The following ANXA2 variants were observed in gnomAD, a reference collection of about 807,000 sequenced individuals.
The protein encoded by ANXA2 is annexin A2, also known as annexin II.
ANXA2 carries 28 observed loss-of-function variants against 47.3 expected under a neutral mutation model. The ratio of observed to expected loss-of-function variants is 0.59; its 90% CI spans 0.44 to 0.81. ANXA2 has a LOEUF of 0.81. Ranked by LOEUF, ANXA2 falls within the 40% of genes least tolerant of loss-of-function variation. The pLI is 0.00. For synonymous variants in ANXA2, 172 were observed against 155.5 expected, an observed-to-expected ratio of 1.11 and a Z score of -0.79; for missense variants, 384 against 414.3, an observed-to-expected ratio of 0.93 and a Z score of 0.64.
At chr15:60,386,179 C>G (rs2062931127) in intron 1 of ANXA2, 93 bp from the exon 2 acceptor site, 1 of 863,932 alleles carries the variant, frequency 1.2e-6, no homozygotes, top group Non-Finnish European at 1.9e-6. Context: ...ACTCCTTGGA[C>G]CATTTCATCT....
At chr15:60,392,681 G>T (rs7168803) in intron 1 of ANXA2, among the ~76,000 whole-genome samples, 2,056 of 152,362 alleles carry the variant, frequency 0.013, 49 homozygotes, top group African/African-American at 0.046. Context: ...AACAGGGCTG[G>T]TCTGCACAGG....
chr15:60,364,674 C>T (rs368243879), intron 3 of ANXA2, 151 bp from the exon 4 acceptor site: 13 of 585,250 alleles, frequency 2.2e-5, no homozygotes, highest in Non-Finnish European at 3.0e-5. Context: ...CTATCTCTTT[C>T]GTCAGCATCC....
At chr15:60,369,963 G>C (rs539890986) in intron 3 of ANXA2, among the ~76,000 whole-genome samples, 1 of 152,228 alleles carries the variant, frequency 6.6e-6, no homozygotes, top group Non-Finnish European at 1.5e-5. Flanking sequence ...CTTAGCCAAC[G>C]ACACAGCTTT....
At chr15:60,370,387 G>A (rs933767277) in intron 3 of ANXA2, among the ~76,000 whole-genome samples, 1 of 152,222 alleles carries the variant, frequency 6.6e-6, no homozygotes, top group Non-Finnish European at 1.5e-5. Flanking sequence ...CATGGAGCCA[G>A]GATCAACTGC....
intron 1 of ANXA2, among the ~76,000 whole-genome samples, chr15:60,392,329 T>G (rs573458802): frequency 6.6e-6 from 1 of 152,090 alleles, no homozygotes; most frequent in African/African-American, 2.4e-5. Context: ...GGTGCAAAAA[T>G]AACTGCCATT....
chr15:60,374,569 T>TA (rs1215100406), intron 3 of ANXA2: 2 of 455,636 alleles, frequency 4.4e-6, no homozygotes, highest in African/African-American at 2.0e-5. Flanking sequence ...AACTGTTTTT[T>TA]AAAAAAAGAA....
At chr15:60,370,045 C>G (rs1335979997) in intron 3 of ANXA2, among the ~76,000 whole-genome samples, 2 of 152,144 alleles carry the variant, frequency 1.3e-5, no homozygotes, top group Admixed American at 1.3e-4. Context: ...TCGGAGATCC[C>G]CATAAAGAGC....
chr15:60,380,448 T>C (rs2062840788), intron 3 of ANXA2, among the ~76,000 whole-genome samples: 1 of 151,406 alleles, frequency 6.6e-6, no homozygotes, highest in Non-Finnish European at 1.5e-5. Flanking sequence ...TTTAGTTTAA[T>C]TTTCTGAGTA....
intron 3 of ANXA2, among the ~76,000 whole-genome samples, chr15:60,378,243 C>A (rs367975843): frequency 3.9e-5 from 6 of 152,278 alleles, no homozygotes; most frequent in African/African-American, 1.4e-4. Flanking sequence ...GACTGCACAA[C>A]TCTGCAAATA....
At chr15:60,396,599 C>T (rs958145199) in intron 1 of ANXA2, among the ~76,000 whole-genome samples, 2 of 152,224 alleles carry the variant, frequency 1.3e-5, no homozygotes, top group Non-Finnish European at 2.9e-5. Context: ...TCCACCTCCC[C>T]ACCACCAATC....
intron 7 of ANXA2, chr15:60,355,463 T>C (rs563528243): frequency 5.1e-5 from 13 of 254,760 alleles, no homozygotes; most frequent in Non-Finnish European, 9.3e-5. Flanking sequence ...TTCCTCCATG[T>C]TAATGTGTTA....
At chr15:60,363,359 G>T (rs2062546420) in intron 4 of ANXA2, among the ~76,000 whole-genome samples, 1 of 152,178 alleles carries the variant, frequency 6.6e-6, no homozygotes, top group Non-Finnish European at 1.5e-5. Flanking sequence ...GAGTGCGGGG[G>T]ATGGAAGTGT....
chr15:60,364,047 G>A (rs573997553), intron 4 of ANXA2, among the ~76,000 whole-genome samples: 1 of 152,176 alleles, frequency 6.6e-6, no homozygotes, highest in African/African-American at 2.4e-5. Flanking sequence ...TGGGTTGGGG[G>A]AGGGTACTGT....
Position 60,379,783 on chromosome 15 carries a change from T to C in ANXA2, c.148+2559A>G, listed in dbSNP as rs140148327. ...TAATGTCAGCTGCTTTTGATCAAAC[T>C]GGAATGTCGGAATCTAAATCTTAGC... On this transcript the variant is annotated intron_variant, in intron 3 of 12. Transcript: ENST00000451270. Among the ~76,000 whole-genome samples, 32 of 152,354 alleles carry C rather than the reference T, an allele frequency of 2.1e-4. 1 individual carries two copies. The highest frequency in any genetic ancestry group is 4.6e-4 in the African/African-American group (19 of 41,586).
chr15:60,364,562 T>G, intron 3 of ANXA2, 39 bp from the exon 4 acceptor site: 1 of 1,529,294 alleles, frequency 6.5e-7, no homozygotes, highest in Non-Finnish European at 8.9e-7. Context: ...CTCAGTATAC[T>G]CTAGTATTTT....
At chr15:60,363,496 G>A (rs971316619) in intron 4 of ANXA2, among the ~76,000 whole-genome samples, 3 of 152,120 alleles carry the variant, frequency 2.0e-5, no homozygotes, top group African/African-American at 7.2e-5. Flanking sequence ...TAAGTCAAAC[G>A]GGAGCTGCAG....
At chr15:60,385,856 C>A in intron 2 of ANXA2, 172 bp downstream of exon 2, 1 of 526,778 alleles carries the variant, frequency 1.9e-6, no homozygotes, top group Non-Finnish European at 3.4e-6. Flanking sequence ...ATGATATTTC[C>A]TTCAAATTGA....
chr15:60,390,405 G>C (rs2062992894), intron 1 of ANXA2: 1 of 585,356 alleles, frequency 1.7e-6, no homozygotes, highest in East Asian at 6.0e-5. Flanking sequence ...TGGGCTTTCT[G>C]TAAGAAGTGT....
At chr15:60,372,160 T>C (rs2062719486) in intron 3 of ANXA2, among the ~76,000 whole-genome samples, 1 of 151,992 alleles carries the variant, frequency 6.6e-6, no homozygotes, top group Non-Finnish European at 1.5e-5. Context: ...AAAATAATAA[T>C]AATAATAATA....
Sources: gnomAD v4.1 joint callset for allele counts (sites outside exome capture counted in the v4.1 genomes callset) on GRCh38, gnomAD v4.1.1 for gene constraint, MANE v1.5 for transcripts, NCBI Gene and HGNC (gene_info 2026-07-23, HGNC 2026-07-21) for gene names.